DNAH12: variants seen among roughly 807,000 people sequenced by gnomAD.
The protein encoded by DNAH12 is dynein axonemal heavy chain 12, also known as axonemal beta dynein heavy chain 12.
In DNAH12, 285 loss-of-function variants were observed where a neutral mutation model predicts 371.5. The ratio of observed to expected loss-of-function variants is 0.77; its 90% CI spans 0.70 to 0.85. The LOEUF is 0.85. Ranked by LOEUF, DNAH12 falls within the 40% of genes least tolerant of loss-of-function variation. The pLI, the probability that DNAH12 is intolerant of heterozygous loss-of-function variation, is 0.00. For synonymous variants in DNAH12, 1,200 were observed against 1,213.0 expected (o/e 0.99, Z 0.22); for missense variants, 3,611 against 3,689.4 (o/e 0.98, Z 0.55).
intron 38 of DNAH12, 136 bp downstream of exon 38, chr3:57,415,290 C>T: frequency 8.3e-7 from 1 of 1,208,558 alleles, no homozygotes; most frequent in Non-Finnish European, 1.1e-6. Flanking sequence ...ATTCCAAAAA[C>T]TTGTAACTCC....
intron 52 of DNAH12, 51 bp downstream of exon 52, chr3:57,379,107 A>G (rs2063337019): frequency 1.3e-5 from 2 of 152,220 alleles, no homozygotes; most frequent in Non-Finnish European, 2.9e-5. Context: ...CACAGATTCT[A>G]ATTCCTGGGA....
chr3:57,530,723 G>A, intron 2 of DNAH12: 1 of 329,036 alleles, frequency 3.0e-6, no homozygotes, highest in Non-Finnish European at 5.8e-6. Flanking sequence ...TGGACACACT[G>A]TAGACAACAT....
chr3:57,403,848 A>G (rs1335506158), intron 42 of DNAH12, among the ~76,000 whole-genome samples: 1 of 152,174 alleles, frequency 6.6e-6, no homozygotes, highest in Non-Finnish European at 1.5e-5. Context: ...AAAGATCATT[A>G]CCTATAAAAT....
Position 57,368,067 on chromosome 3 carries a change from G to A in DNAH12, c.8953C>T (p.Leu2985Phe), listed in dbSNP as rs2063090176. 1 of 152,164 alleles carries A rather than the reference G, an allele frequency of 6.6e-6. No homozygotes were observed. Among genetic ancestry groups the A allele is most frequent in the South Asian group, 2.1e-4 (1 of 4,832 alleles). The allele number at this position is 152,164 out of a possible 1,614,324, so 9.4% of individuals were successfully genotyped here. ...ELDPSLEPLLLRQTFKQGGID... is the reference protein window; with the variant it reads ...ELDPSLEPLLFRQTFKQGGID... ...ATACCTTGTTTAAAAGTTTGTCTGA[G>A]TAGTAAAGGCTCCAAAGATGGATCC... The change falls in exon 56 of 74, where the codon CTC (leucine) becomes TTC (phenylalanine). Residue 2985 changes from leucine to phenylalanine, a missense_variant. Leu to Phe is a conservative substitution (Grantham distance 22). This residue lies in a region of DNAH12 where 2,266 missense variants were observed against 2,236.9 expected (regional missense o/e 1.01). Transcript: ENST00000495027.
At chr3:57,495,993 A>T (rs1436822944) in intron 11 of DNAH12, among the ~76,000 whole-genome samples, 2 of 141,610 alleles carry the variant, frequency 1.4e-5, no homozygotes, top group South Asian at 4.2e-4. Context: ...TATATATATT[A>T]TATATATATA....
chr3:57,302,555 A>ATGGTTTTTTTTT (rs1559535346), intron 69 of DNAH12, among the ~76,000 whole-genome samples: 1 of 80,990 alleles, frequency 1.2e-5, no homozygotes, highest in African/African-American at 4.4e-5. Context: ...ATATATATAT[A>ATGGTTTTTTTTT]TATATATATG....
chr3:57,482,291 C>T (rs1353066987), intron 13 of DNAH12, among the ~76,000 whole-genome samples: 1 of 152,172 alleles, frequency 6.6e-6, no homozygotes, highest in Non-Finnish European at 1.5e-5. Flanking sequence ...CAAAAGAAGA[C>T]ATTTTTGCAG....
At chr3:57,341,369 A>G (rs1553656072) in intron 60 of DNAH12, among the ~76,000 whole-genome samples, 1 of 152,192 alleles carries the variant, frequency 6.6e-6, no homozygotes, top group African/African-American at 2.4e-5. Context: ...TCTACCCAAA[A>G]AACTCTTAAA....
At chr3:57,323,332 T>C in intron 63 of DNAH12, 72 bp from the exon 64 acceptor site, 2 of 1,487,158 alleles carry the variant, frequency 1.3e-6, no homozygotes, top group Admixed American at 2.6e-5. Flanking sequence ...TGTATAGGTG[T>C]TTTATCATGA....
intron 59 of DNAH12, among the ~76,000 whole-genome samples, chr3:57,355,111 C>T (rs1047636817): frequency 3.9e-5 from 6 of 152,056 alleles, no homozygotes. Context: ...TTCAAAATGT[C>T]ACCATTGGGG....
chr3:57,473,485 C>CA (rs879415134), intron 13 of DNAH12, among the ~76,000 whole-genome samples: 153 of 120,932 alleles, frequency 1.3e-3, no homozygotes, highest in African/African-American at 2.4e-3. Flanking sequence ...GACTCCGTCT[C>CA]AAAAAAAAAA....
At chr3:57,414,286 T>C (rs1046825615) in intron 38 of DNAH12, among the ~76,000 whole-genome samples, 4 of 152,236 alleles carry the variant, frequency 2.6e-5, no homozygotes, top group African/African-American at 9.6e-5. Flanking sequence ...GTATAGTATA[T>C]GCATGTTTCT....
intron 71 of DNAH12, 36 bp from the exon 72 acceptor site, chr3:57,296,471 C>T (rs2061235679): frequency 6.9e-7 from 1 of 1,452,668 alleles, no homozygotes; most frequent in Non-Finnish European, 9.4e-7. Context: ...GTGATCCTCT[C>T]CAGACAACTT....
At chr3:57,330,377 G>A (rs1351919645) in intron 62 of DNAH12, among the ~76,000 whole-genome samples, 3 of 152,012 alleles carry the variant, frequency 2.0e-5, no homozygotes, top group African/African-American at 7.3e-5. Context: ...AGAATACTAT[G>A]CAGCCATAAA....
intron 58 of DNAH12, among the ~76,000 whole-genome samples, chr3:57,357,582 A>T (rs2062829368): frequency 1.3e-5 from 2 of 152,260 alleles, no homozygotes; most frequent in South Asian, 4.1e-4. Flanking sequence ...GAAAGGAGGA[A>T]CAAGAGAGGA....
chr3:57,393,170 T>C (rs1158715688), intron 44 of DNAH12, among the ~76,000 whole-genome samples: 7 of 152,188 alleles, frequency 4.6e-5, no homozygotes, highest in Non-Finnish European at 1.0e-4. Context: ...TGTGCTGCCA[T>C]TTCATGGAAG....
At chr3:57,516,104 C>T (rs150315692) in intron 4 of DNAH12, among the ~76,000 whole-genome samples, 3 of 138,368 alleles carry the variant, frequency 2.2e-5, no homozygotes, top group Non-Finnish European at 3.0e-5. Context: ...CCCTCCGTCG[C>T]CCAGGCTGGA....
At chr3:57,509,403 G>A (rs991454489) in intron 5 of DNAH12, among the ~76,000 whole-genome samples, 191 bp from the exon 6 acceptor site, 5 of 152,058 alleles carry the variant, frequency 3.3e-5, no homozygotes, top group Non-Finnish European at 5.9e-5. Flanking sequence ...TTCAGATAAC[G>A]AAAAGCTTTA....
intron 4 of DNAH12, among the ~76,000 whole-genome samples, chr3:57,519,225 C>A (rs1036716460): frequency 2.6e-5 from 4 of 152,136 alleles, no homozygotes; most frequent in Admixed American, 6.5e-5. Context: ...TCATATCTTT[C>A]TTTTTGGGAG....
Sources: gnomAD v4.1 joint callset for allele counts (sites outside exome capture counted in the v4.1 genomes callset) on GRCh38, gnomAD v4.1.1 for gene constraint, gnomAD v4.1.1 regional missense constraint, MANE v1.5 for transcripts, NCBI Gene and HGNC (gene_info 2026-07-23, HGNC 2026-07-21) for gene names.